Variants in ERN1 observed in about 807,000 individuals in gnomAD.
ERN1 encodes the protein endoplasmic reticulum to nucleus signaling 1.
Under a neutral mutation model 113.1 loss-of-function variants are expected in ERN1, and 39 were observed. That is an observed-to-expected ratio of 0.34 (90% confidence interval 0.27 to 0.45). The LOEUF is 0.45. Among genes scored for constraint, ERN1 ranks in the 20% least tolerant of loss-of-function variants. The pLI is 1.00. For missense variants in ERN1, 976 were observed against 1,274.8 expected (o/e 0.77, Z 3.57); for synonymous variants, 507 against 515.9 (o/e 0.98, Z 0.23).
chr17:64,081,954 C>G (rs1304990366), intron 2 of ERN1, among the ~76,000 whole-genome samples: 1 of 152,140 alleles, frequency 6.6e-6, no homozygotes, highest in East Asian at 1.9e-4. Flanking sequence ...GTATTTCCAG[C>G]AACCAAAACC....
At chr17:64,051,895 T>C (rs1184887207) in intron 17 of ERN1, among the ~76,000 whole-genome samples, 1 of 152,232 alleles carries the variant, frequency 6.6e-6, no homozygotes, top group African/African-American at 2.4e-5. Flanking sequence ...GATAATGGTA[T>C]TGTGGTTGGA....
rs1912804230 is a variant in ERN1 at position 64,054,811 on chromosome 17, C to T, written c.1690G>A (p.Val564Met). Residue 564 changes from valine (V) to methionine (M), a missense_variant, in exon 14 of 22, where the codon GTG becomes ATG. Coordinates refer to ENST00000433197, the MANE Select transcript of ERN1 (RefSeq NM_001433.5). This position sits in a 1 kb window ranked among gnomAD's most constrained non-coding sequence, Gnocchi z 4.9. The part of the protein sequence containing the change: ...QDDGDEETSV[V>M]IVGKISFCPK... ...CAGAAGGAAATTTTCCCAACTATCA[C>T]CACGCTGGTTTCCTCATCTGGGACA... 2 of 1,608,454 alleles carry T rather than the reference C, an allele frequency of 1.2e-6. No individual in the cohort carries two copies. Among genetic ancestry groups the T allele is most frequent in the African/African-American group, 1.3e-5 (1 of 74,828 alleles).
At chr17:64,116,644 A>T in intron 1 of ERN1, among the ~76,000 whole-genome samples, 1 of 147,570 alleles carries the variant, frequency 6.8e-6, no homozygotes, top group Non-Finnish European at 1.5e-5. Flanking sequence ...ATTTAATGTA[A>T]AAAAAAAATA....
chr17:64,065,547 G>A (rs1396881138), intron 8 of ERN1, among the ~76,000 whole-genome samples: 1 of 152,170 alleles, frequency 6.6e-6, no homozygotes, highest in Non-Finnish European at 1.5e-5. Context: ...GGCTGGACTA[G>A]ACGATGCCCA....
chr17:64,112,588 C>T (rs1022605047), intron 1 of ERN1, among the ~76,000 whole-genome samples: 17 of 152,216 alleles, frequency 1.1e-4, no homozygotes, highest in African/African-American at 4.1e-4. Context: ...GGAGCCAGAC[C>T]ACCTCAGGCA....
intron 19 of ERN1, 37 bp from the exon 20 acceptor site, chr17:64,045,519 G>C (rs749983630): frequency 1.9e-6 from 3 of 1,613,058 alleles, no homozygotes; most frequent in Non-Finnish European, 2.5e-6. Flanking sequence ...GATGGTCAGT[G>C]CTGGAGATGC....
chr17:64,125,592 G>T (rs934443090), intron 1 of ERN1, among the ~76,000 whole-genome samples: 1 of 152,146 alleles, frequency 6.6e-6, no homozygotes, highest in Non-Finnish European at 1.5e-5. Context: ...AGGTTCAAGC[G>T]ATTCTCCTGC....
intron 1 of ERN1, among the ~76,000 whole-genome samples, chr17:64,104,071 T>C (rs537993740): frequency 6.6e-6 from 1 of 151,072 alleles, no homozygotes; most frequent in Non-Finnish European, 1.5e-5. Flanking sequence ...AGACCCCATC[T>C]TGACAAAAAA....
intron 2 of ERN1, among the ~76,000 whole-genome samples, chr17:64,095,369 C>T (rs924074047): frequency 6.6e-6 from 1 of 152,152 alleles, no homozygotes; most frequent in East Asian, 1.9e-4. Flanking sequence ...GCAAAGGTTT[C>T]AGTGAGCCAA....
chr17:64,127,284 A>G (rs2143516876), intron 1 of ERN1, among the ~76,000 whole-genome samples: 1 of 152,368 alleles, frequency 6.6e-6, no homozygotes, highest in East Asian at 1.9e-4. Flanking sequence ...GAAATATCAA[A>G]AACTATTTCT....
At chr17:64,082,996 C>T (rs1913814886) in intron 2 of ERN1, among the ~76,000 whole-genome samples, 2 of 152,172 alleles carry the variant, frequency 1.3e-5, no homozygotes, top group South Asian at 4.1e-4. Context: ...ATTATTAAGA[C>T]AGTTCTGACA....
chr17:64,097,841 C>T (rs562342743), intron 2 of ERN1: 20 of 348,024 alleles, frequency 5.7e-5, no homozygotes, highest in Non-Finnish European at 9.5e-5. Context: ...CTAGCTAGAG[C>T]TATTAATAGA....
chr17:64,130,001 A>T lies in ERN1; in HGVS notation c.29T>A (p.Leu10Gln). 2.1e-6 allele frequency: 3 copies of T among 1,402,502 alleles called. No homozygotes were observed. The highest frequency in any genetic ancestry group is 2.8e-6 in the Non-Finnish European group (3 of 1,078,548). 86.9% of individuals were successfully genotyped at this position (1,402,502 alleles called of 1,614,324 possible). A position where few individuals can be genotyped will look rare whatever the true frequency, so the allele number is the denominator to read the frequency against. The change falls in exon 1 of 22, where the codon CTG (leucine) becomes CAG (glutamine). Residue 10 changes from leucine to glutamine, a missense_variant. By Grantham distance (113) the Leu-to-Gln change is moderately radical. Coordinates refer to ENST00000433197, the MANE Select transcript of ERN1 (RefSeq NM_001433.5). This position sits in a 1 kb window ranked among gnomAD's most constrained non-coding sequence, Gnocchi z 4.0. MPARRLLLLLTLLLPGLGIF... is the reference protein window; with the variant it reads MPARRLLLLQTLLLPGLGIF... Reference sequence around the variant, plus strand: ...CCCGAGGCCGGGCAGCAGCAGCGTCAGCAGCAGCAGCAGCCGCCGGGCCGG... The same window carrying T: ...CCCGAGGCCGGGCAGCAGCAGCGTCTGCAGCAGCAGCAGCCGCCGGGCCGG...
Position 64,054,356 on chromosome 17 carries a change from A to T in ERN1, c.1847T>A (p.Leu616Ter). Residue 616 changes from leucine (L) to a stop codon, truncating the protein, a stop_gained, in exon 15 of 22, where the codon TTG (leucine) becomes TAG (stop). Coordinates refer to ENST00000433197, the MANE Select transcript of ERN1 (RefSeq NM_001433.5). LOFTEE classifies it high-confidence loss of function. This position sits in a 1 kb window ranked among gnomAD's most constrained non-coding sequence, Gnocchi z 4.9. ...FSFADREVQL[L>*]RESDEHPNVI... ...GTTCGGGTGCTCATCCGATTCTCGC[A>T]ACAGCTGGACCTCACGGTCTGCGAA... 6.2e-7 allele frequency: 1 copy of T among 1,612,100 alleles called. No homozygotes were observed. The highest frequency in any genetic ancestry group is 8.5e-7 in the Non-Finnish European group (1 of 1,179,082).
rs1246879271 is a variant in ERN1 at position 64,054,573 on chromosome 17, C to CG, written c.1764-135dup. ...GCCCCGCCTGACTGCCTGGTGGCCCCGGAATCATCGCTTGTCTCAGTGTGC... is the reference window on the plus strand; with the variant it reads ...GCCCCGCCTGACTGCCTGGTGGCCCCGGGAATCATCGCTTGTCTCAGTGTGC... On this transcript the variant is annotated intron_variant, in intron 14 of 21. Coordinates refer to ENST00000433197, the MANE Select transcript of ERN1 (RefSeq NM_001433.5). This position sits in a 1 kb window ranked among gnomAD's most constrained non-coding sequence, Gnocchi z 4.9. The CG allele has an allele frequency of 5.8e-5, 60 of 1,041,978 alleles. No individual in the cohort carries two copies. The highest frequency in any genetic ancestry group is 1.4e-6 in the Non-Finnish European group (1 of 719,018). The allele number at this position is 1,041,978 out of a possible 1,614,324, so 64.5% of individuals were successfully genotyped here. A position where few individuals can be genotyped will look rare whatever the true frequency, so the allele number is the denominator to read the frequency against.
chr17:64,080,617 A>G (rs1913736845), intron 3 of ERN1, 158 bp downstream of exon 3: 1 of 634,100 alleles, frequency 1.6e-6, no homozygotes, highest in Non-Finnish European at 2.7e-6. Context: ...CCTCCTCAAC[A>G]CAAGCTTTCA....
At chr17:64,119,683 C>T (rs550235775) in intron 1 of ERN1, among the ~76,000 whole-genome samples, 14 of 150,960 alleles carry the variant, frequency 9.3e-5, no homozygotes, top group African/African-American at 2.9e-4. Context: ...TGAGCCACCA[C>T]GCCTAGAACT....
intron 4 of ERN1, among the ~76,000 whole-genome samples, chr17:64,078,493 T>C (rs995096514): frequency 6.6e-6 from 1 of 152,240 alleles, no homozygotes; most frequent in Non-Finnish European, 1.5e-5. Context: ...TTTTCCTAAA[T>C]TTATAGTGTT....
At chr17:64,057,322 T>C (rs1449627372) in intron 12 of ERN1, among the ~76,000 whole-genome samples, 1 of 152,212 alleles carries the variant, frequency 6.6e-6, no homozygotes. Flanking sequence ...AGTGTCTCTT[T>C]AATTATGTTT....
Sources: gnomAD v4.1 joint callset for allele counts (sites outside exome capture counted in the v4.1 genomes callset) on GRCh38, gnomAD v4.1.1 for gene constraint, Gnocchi (gnomAD v3.1) non-coding constraint, MANE v1.5 for transcripts, NCBI Gene and HGNC (gene_info 2026-07-23, HGNC 2026-07-21) for gene names.